Variants in FILIP1 observed in about 807,000 individuals in gnomAD.
FILIP1 encodes filamin-A-interacting protein 1.
Under a neutral mutation model 102.1 loss-of-function variants are expected in FILIP1, and 61 were observed. That is an observed-to-expected ratio of 0.60 (90% CI 0.49 to 0.74). The LOEUF (loss-of-function observed/expected upper bound fraction) is 0.74. Ranked by LOEUF, FILIP1 falls within the 30% of genes least tolerant of loss-of-function variation. FILIP1 has a pLI of 0.00. For missense variants in FILIP1, 1,314 were observed against 1,441.2 expected (o/e 0.91, Z 1.43); for synonymous variants, 491 against 526.9 (o/e 0.93, Z 0.93).
At chr6:75,319,200 T>C in intron 4 of FILIP1, 2 of 756,924 alleles carry the variant, frequency 2.6e-6, no homozygotes, top group Non-Finnish European at 4.7e-6. Context: ...TATCCTTTTC[T>C]TGTTTTTCCT....
intron 1 of FILIP1, among the ~76,000 whole-genome samples, chr6:75,439,633 T>C (rs1160611914): frequency 6.6e-6 from 1 of 152,222 alleles, no homozygotes; most frequent in Non-Finnish European, 1.5e-5. Context: ...GATCAATTTA[T>C]AATAGGACAC....
chr6:75,349,424 G>C lies in FILIP1; in HGVS notation c.629+4115C>G, dbSNP rs191593557. ...AGACAGCCTGCAGAGTCTCACCACC[G>C]GCGGGAGAAGCTGAGTGAGTGATTA... On this transcript the variant is annotated intron_variant, in intron 4 of 5. Transcript: ENST00000237172. Among the ~76,000 whole-genome samples, 3 of 151,914 alleles carry C rather than the reference G, an allele frequency of 2.0e-5. No homozygotes were observed. The East Asian group carries it at 5.8e-4, about 29-fold the overall frequency.
At chr6:75,455,552 G>C (rs905189047) in intron 1 of FILIP1, among the ~76,000 whole-genome samples, 2 of 152,052 alleles carry the variant, frequency 1.3e-5, no homozygotes, top group African/African-American at 4.8e-5. Context: ...TGTAAATTGT[G>C]GGGGGAAAAT....
chr6:75,421,343 T>C (rs549994683), intron 1 of FILIP1, among the ~76,000 whole-genome samples: 5 of 152,134 alleles, frequency 3.3e-5, no homozygotes, highest in Non-Finnish European at 7.4e-5. Flanking sequence ...ATGCAAATTG[T>C]TTGAATTTTC....
intron 1 of FILIP1, among the ~76,000 whole-genome samples, chr6:75,489,356 C>G (rs1033046216): frequency 6.6e-6 from 1 of 152,042 alleles, no homozygotes. Flanking sequence ...CAAAGTATGT[C>G]CCAAGCAGGA....
At chr6:75,450,350 A>T (rs1412602079) in intron 1 of FILIP1, among the ~76,000 whole-genome samples, 1 of 152,134 alleles carries the variant, frequency 6.6e-6, no homozygotes, top group Non-Finnish European at 1.5e-5. Context: ...CCAATAAATT[A>T]TTTTAGAATA....
rs538636024 is a variant in FILIP1 at position 75,471,886 on chromosome 6, T to C, written c.-7+21528A>G. 2.6e-5 allele frequency among the ~76,000 whole-genome samples: 4 copies of C among 152,266 alleles called. No homozygotes were observed. The South Asian group carries it at 8.3e-4, about 32-fold the overall frequency. ...AATGCTGTGGAGAAGTCTGGAAGCATATACATTATATTGTTAACAGTGACT... is the reference window on the plus strand; with the variant it reads ...AATGCTGTGGAGAAGTCTGGAAGCACATACATTATATTGTTAACAGTGACT... On this transcript the variant is annotated intron_variant, in intron 1 of 5. Transcript: ENST00000237172.
chr6:75,483,174 G>A (rs1234810126), intron 1 of FILIP1, among the ~76,000 whole-genome samples: 1 of 152,136 alleles, frequency 6.6e-6, no homozygotes, highest in Non-Finnish European at 1.5e-5. Flanking sequence ...GAATCAATCA[G>A]AAAATTAATT....
At chr6:75,445,498 CT>C (rs1778416985) in intron 1 of FILIP1, among the ~76,000 whole-genome samples, 2 of 152,082 alleles carry the variant, frequency 1.3e-5, no homozygotes, top group African/African-American at 4.8e-5. Flanking sequence ...CCCTGATTTC[CT>C]TAGGAAAACT....
chr6:75,375,035 C>G (rs1775706078), intron 2 of FILIP1, among the ~76,000 whole-genome samples: 1 of 152,084 alleles, frequency 6.6e-6, no homozygotes, highest in Non-Finnish European at 1.5e-5. Context: ...AAGAACTCAT[C>G]CCCAGGGAGG....
At chr6:75,397,830 G>A (rs1391823457) in intron 2 of FILIP1, 1 of 152,100 alleles carries the variant, frequency 6.6e-6, no homozygotes, top group Non-Finnish European at 1.5e-5. Context: ...GATCCTCATA[G>A]AACCATAGAC....
chr6:75,444,699 A>C (rs1053026638), intron 1 of FILIP1, among the ~76,000 whole-genome samples: 2 of 152,134 alleles, frequency 1.3e-5, no homozygotes, highest in African/African-American at 4.8e-5. Flanking sequence ...CGAAGCTTAA[A>C]TGGACCTGTT....
At chr6:75,453,954 G>T (rs1334882924) in intron 1 of FILIP1, 1 of 456,564 alleles carries the variant, frequency 2.2e-6, no homozygotes, top group Non-Finnish European at 4.4e-6. Flanking sequence ...CACTGTATTA[G>T]TTTTCTATTG....
intron 4 of FILIP1, among the ~76,000 whole-genome samples, chr6:75,340,789 G>A (rs547106840): frequency 2.7e-5 from 4 of 150,516 alleles, no homozygotes; most frequent in African/African-American, 9.8e-5. Context: ...TCTGCCTCCC[G>A]GGTTCAAGCA....
At chr6:75,349,195 T>C (rs1774699014) in intron 4 of FILIP1, among the ~76,000 whole-genome samples, 1 of 152,196 alleles carries the variant, frequency 6.6e-6, no homozygotes, top group South Asian at 2.1e-4. Context: ...CTGGATGGCT[T>C]ATCAACAGCT....
chr6:75,441,665 G>C lies in FILIP1; in HGVS notation c.-6-26687C>G, dbSNP rs1466722389. On this transcript the variant is annotated intron_variant, in intron 1 of 5. Coordinates refer to ENST00000237172, the MANE Select transcript of FILIP1 (RefSeq NM_015687.5). Reference sequence around the variant, plus strand: ...GCGGCTGGCCGGGCGGGGGGCTGACGCCCCCACCTCCCTCCCTGACGGGGC... The same window carrying C: ...GCGGCTGGCCGGGCGGGGGGCTGACCCCCCCACCTCCCTCCCTGACGGGGC... 6.0e-3 allele frequency among the ~76,000 whole-genome samples: 713 copies of C among 117,900 alleles called. 15 individuals are homozygous for C. The highest frequency in any genetic ancestry group is 0.022 in the African/African-American group (647 of 29,096). 77.3% of individuals were successfully genotyped at this position (117,900 alleles called of 152,430 possible). A position where few individuals can be genotyped will look rare whatever the true frequency, so the allele number is the denominator to read the frequency against.
chr6:75,317,517 T>C (rs1773483722), intron 4 of FILIP1, among the ~76,000 whole-genome samples: 1 of 152,168 alleles, frequency 6.6e-6, no homozygotes, highest in South Asian at 2.1e-4. Flanking sequence ...ATTTAACCAA[T>C]AAATATTTTT....
chr6:75,354,805 C>T (rs1774935330), intron 3 of FILIP1, among the ~76,000 whole-genome samples: 1 of 152,150 alleles, frequency 6.6e-6, no homozygotes, highest in Admixed American at 6.5e-5. Flanking sequence ...ATTAAGATCT[C>T]AGCATGTACA....
intron 2 of FILIP1, among the ~76,000 whole-genome samples, chr6:75,400,826 G>C (rs898401483): frequency 2.6e-5 from 4 of 152,040 alleles, no homozygotes; most frequent in Non-Finnish European, 5.9e-5. Context: ...TTAGTGAAAG[G>C]GGAAGTAAAG....
Sources: gnomAD v4.1 joint callset for allele counts (sites outside exome capture counted in the v4.1 genomes callset) on GRCh38, gnomAD v4.1.1 for gene constraint, MANE v1.5 for transcripts, NCBI Gene and HGNC (gene_info 2026-07-23, HGNC 2026-07-21) for gene names.